The following BANP variants were observed in gnomAD, a reference collection of about 807,000 sequenced individuals.
The protein encoded by BANP is BTG3 associated nuclear protein.
BANP carries 11 observed loss-of-function variants against 68.1 expected under a neutral mutation model. The ratio of observed to expected loss-of-function variants is 0.16; its 90% CI spans 0.10 to 0.27. The LOEUF (loss-of-function observed/expected upper bound fraction) is 0.27. Among genes scored for constraint, BANP ranks in the 10% least tolerant of loss-of-function variants. The probability of loss-of-function intolerance (pLI) is 1.00; values close to 1 mark genes in which losing one functional copy is unlikely to be tolerated. For missense variants in BANP, 504 were observed against 722.7 expected, an observed-to-expected ratio of 0.70 and a Z score of 3.47; for synonymous variants, 329 against 303.2, an observed-to-expected ratio of 1.09 and a Z score of -0.88.
rs2069732383 is a variant in BANP at position 88,002,640 on chromosome 16, A to G, written c.363-1655A>G. On this transcript the variant is annotated intron_variant, in intron 4 of 13. Transcript: ENST00000682872. This position sits in a 1 kb window ranked among gnomAD's most constrained non-coding sequence, Gnocchi z 4.6. ...ATGAGCCCCCCAGAAGCTGTGGGGC[A>G]CCCGAGGGGCACATTATTCCAGTTG... Among the ~76,000 whole-genome samples, 1 of 152,022 alleles carries G rather than the reference A, an allele frequency of 6.6e-6. No individual in the cohort carries two copies. The highest frequency in any genetic ancestry group is 2.4e-5 in the African/African-American group (1 of 41,374).
chr16:88,026,961 G>A lies in BANP; in HGVS notation c.896-522G>A, dbSNP rs572581020. Among the ~76,000 whole-genome samples the A allele has an allele frequency of 5.3e-5, 8 of 152,356 alleles. No homozygotes were observed. The East Asian group carries it at 1.3e-3, about 26-fold the overall frequency. ...GAGGAGGGTGGGAGCCCAGGAGGGC[G>A]GGAGGGCCAGGTGGTTATCCAGGGG... On this transcript the variant is annotated intron_variant, in intron 7 of 13. Transcript: ENST00000682872.
At chr16:88,072,850 C>T (rs1265210213) in intron 13 of BANP, among the ~76,000 whole-genome samples, 1 of 152,238 alleles carries the variant, frequency 6.6e-6, no homozygotes, top group Non-Finnish European at 1.5e-5. Context: ...GCCCCGCAGC[C>T]TCCGTGCCAC....
Position 88,072,055 on chromosome 16 carries a change from G to C in BANP, c.1378-14G>C, listed in dbSNP as rs748678999. On this transcript the variant is annotated splice_polypyrimidine_tract_variant and intron_variant, in intron 12 of 13. Transcript: ENST00000682872. ...GGCCACGCCGCTGACGGGCCCCCGT[G>C]TGTCTCCCTCCAGGTGCTGCAGGGT... 6.4e-7 allele frequency: 1 copy of C among 1,561,144 alleles called. No individual in the cohort carries two copies. The highest frequency in any genetic ancestry group is 1.4e-5 in the African/African-American group (1 of 73,926).
chr16:88,049,736 G>C (rs920167838), intron 11 of BANP, among the ~76,000 whole-genome samples: 2 of 152,150 alleles, frequency 1.3e-5, no homozygotes, highest in African/African-American at 2.4e-5. Flanking sequence ...GGAGTCACGG[G>C]GGAGATGGCT....
chr16:88,069,571 C>G lies in BANP; in HGVS notation c.1378-2498C>G, dbSNP rs962188965. ...GAGTGCCTCGGGGACCCAGGTGCTTCCTGTATGGACGCTGCCCCCACCTGC... is the reference window on the plus strand; with the variant it reads ...GAGTGCCTCGGGGACCCAGGTGCTTGCTGTATGGACGCTGCCCCCACCTGC... On this transcript the variant is annotated intron_variant, in intron 12 of 13. Transcript: ENST00000682872. 5.3e-5 allele frequency among the ~76,000 whole-genome samples: 8 copies of G among 152,138 alleles called. 1 individual carries two copies. In the South Asian group the frequency reaches 1.7e-3, roughly 32 times the overall value.
chr16:88,001,915 A>T (rs1361017045), intron 4 of BANP, among the ~76,000 whole-genome samples: 1 of 100 alleles, frequency 0.01, no homozygotes, highest in Non-Finnish European at 0.029. Flanking sequence ...CTAAGTGCTA[A>T]AAAAAAACAA....
chr16:88,054,271 ACCT>A (rs1207190042), intron 11 of BANP, among the ~76,000 whole-genome samples: 1 of 48,244 alleles, frequency 2.1e-5, no homozygotes, highest in Non-Finnish European at 5.7e-5. Flanking sequence ...CACCACCACC[ACCT>A]CTACCACTGT....
intron 6 of BANP, 53 bp downstream of exon 6, chr16:88,006,318 G>A: frequency 6.6e-7 from 1 of 1,521,558 alleles, no homozygotes; most frequent in African/African-American, 1.4e-5. Flanking sequence ...TTGTTTGTTT[G>A]TTTTGCCTTT....
At chr16:88,044,341 A>T (rs2081472929) in intron 11 of BANP, among the ~76,000 whole-genome samples, 1 of 152,188 alleles carries the variant, frequency 6.6e-6, no homozygotes, top group South Asian at 2.1e-4. Context: ...AACAGGCCAC[A>T]GCGAGAAGGC....
At chr16:88,042,756 GA>G (rs68159885) in intron 11 of BANP, among the ~76,000 whole-genome samples, 33,174 of 150,064 alleles carry the variant, frequency 0.22, 4,600 homozygotes, top group East Asian at 0.58. Context: ...TGTCTCTACA[GA>G]AAAAAAAAAT....
At chr16:88,062,467 T>A (rs2087101190) in intron 11 of BANP, among the ~76,000 whole-genome samples, 1 of 152,212 alleles carries the variant, frequency 6.6e-6, no homozygotes, top group Non-Finnish European at 1.5e-5. Flanking sequence ...CCGCTTTCTT[T>A]TATCTGAAAA....
chr16:88,070,232 G>A (rs2089966570), intron 12 of BANP, among the ~76,000 whole-genome samples: 1 of 152,162 alleles, frequency 6.6e-6, no homozygotes, highest in African/African-American at 2.4e-5. Flanking sequence ...GTCAGAGGCT[G>A]TACATGACTT....
At chr16:88,056,621 G>T (rs2085107907) in intron 11 of BANP, among the ~76,000 whole-genome samples, 1 of 152,176 alleles carries the variant, frequency 6.6e-6, no homozygotes, top group African/African-American at 2.4e-5. Flanking sequence ...CCACTGCTCT[G>T]GTCACGCTTC....
In BANP at chr16:88,076,041, C is replaced by T. The variant is rs565348170; in HGVS notation, c.1522-549C>T. Among the ~76,000 whole-genome samples the T allele has an allele frequency of 2.6e-4, 39 of 152,274 alleles. No individual in the cohort carries two copies. The South Asian group carries it at 7.3e-3, about 28-fold the overall frequency. On this transcript the variant is annotated intron_variant, in intron 13 of 13. Coordinates refer to ENST00000682872, the MANE Select transcript of BANP (RefSeq NM_001386991.1). ...GATTATAGGCATGAGCCACTGCGCC[C>T]GACCTCCTTTAACTCATTTTAAGAT...
intron 11 of BANP, among the ~76,000 whole-genome samples, chr16:88,050,509 A>G (rs1392377276): frequency 2.0e-5 from 3 of 152,078 alleles, no homozygotes; most frequent in Middle Eastern, 3.2e-3. Context: ...ACACTTGTTA[A>G]TGGTTGTGTT....
intron 8 of BANP, among the ~76,000 whole-genome samples, chr16:88,031,680 T>C (rs1313735265): frequency 2.0e-5 from 3 of 152,020 alleles, no homozygotes; most frequent in African/African-American, 4.8e-5. Context: ...CAACATTTTA[T>C]TGTTACTTTA....
rs745496846 is a variant in BANP at position 88,033,186 on chromosome 16, C to T, written c.1141C>T (p.Leu381=). Residue 381 remains leucine (L), a synonymous_variant, in exon 9 of 14, where the codon CTG becomes TTG. Transcript: ENST00000682872. The part of the protein sequence containing the change: ...QPQPQALHYA[L]ANAQQVQIHQ... The stretch of plus-strand genomic sequence containing the variant: ...GCAGCCGCAGGCCCTGCACTACGCG[C>T]TGGCCAACGCACAGCAGGTGCAGAT... 3 of 1,611,432 alleles carry T rather than the reference C, an allele frequency of 1.9e-6. No homozygotes were observed. The highest frequency in any genetic ancestry group is 2.5e-6 in the Non-Finnish European group (3 of 1,177,984).
chr16:88,036,376 G>A lies in BANP; in HGVS notation c.1272+982G>A, dbSNP rs1040778405. Among the ~76,000 whole-genome samples, 5 of 152,218 alleles carry A rather than the reference G, an allele frequency of 3.3e-5. No individual in the cohort carries two copies. Among genetic ancestry groups the A allele is most frequent in the African/African-American group, 9.6e-5 (4 of 41,454 alleles). On this transcript the variant is annotated intron_variant, in intron 10 of 13. Transcript: ENST00000682872. This position sits in a 1 kb window ranked among gnomAD's most constrained non-coding sequence, Gnocchi z 4.2. ...TGTTGGCGTGCGAGGCCTCCTGGGA[G>A]CTCATGCTGGGTGCAGGTGCTGTGG...
intron 11 of BANP, among the ~76,000 whole-genome samples, chr16:88,058,681 A>G (rs1280790818): frequency 2.6e-5 from 4 of 152,054 alleles, no homozygotes; most frequent in Non-Finnish European, 5.9e-5. Context: ...CGGGGTTTGT[A>G]GGAAGCCTGT....
Sources: gnomAD v4.1 joint callset for allele counts (sites outside exome capture counted in the v4.1 genomes callset) on GRCh38, gnomAD v4.1.1 for gene constraint, Gnocchi (gnomAD v3.1) non-coding constraint, MANE v1.5 for transcripts, NCBI Gene and HGNC (gene_info 2026-07-23, HGNC 2026-07-21) for gene names.